Variants in MAP2K6 observed in about 807,000 individuals in gnomAD.
The protein encoded by MAP2K6 is mitogen-activated protein kinase kinase 6.
A neutral mutation model predicts 53.7 loss-of-function variants in MAP2K6; 16 were observed. The observed-to-expected ratio is 0.30, with a 90% CI of 0.20 to 0.45. MAP2K6 has a LOEUF of 0.45. Ranked by LOEUF, MAP2K6 falls within the 20% of genes least tolerant of loss-of-function variation. The pLI, the probability that MAP2K6 is intolerant of heterozygous loss-of-function variation, is 1.00. For missense variants in MAP2K6, 204 were observed against 411.9 expected (o/e 0.50, Z 4.37); for synonymous variants, 132 against 143.1 (o/e 0.92, Z 0.55).
At chr17:69,429,439 C>A (rs1906384833) in intron 1 of MAP2K6, among the ~76,000 whole-genome samples, 2 of 151,588 alleles carry the variant, frequency 1.3e-5, no homozygotes, top group Admixed American at 1.3e-4. Flanking sequence ...TAAGACCTTG[C>A]CTCTAAAAGG....
intron 1 of MAP2K6, among the ~76,000 whole-genome samples, chr17:69,422,229 T>A (rs76769799): frequency 0.026 from 3,923 of 150,974 alleles, 125 homozygotes; most frequent in East Asian, 0.12. Flanking sequence ...ATTCCCAGTT[T>A]CAAGCAATTC....
rs530073933 is a variant in MAP2K6, at chr17:69,481,424, C to A, written c.17-24356C>A. ...TATCTGTCAGTGGACACTTGGGTTG[C>A]TTCCACCTTTTGGCAATTGTGAATA... On this transcript the variant is annotated intron_variant, in intron 1 of 11. Coordinates refer to ENST00000590474, the MANE Select transcript of MAP2K6 (RefSeq NM_002758.4). Among the ~76,000 whole-genome samples, 133 of 152,288 alleles carry A rather than the reference C, an allele frequency of 8.7e-4. 2 individuals carry two copies. The South Asian group carries it at 0.026, about 30-fold the overall frequency.
At chr17:69,537,329 G>A (rs144382629) in intron 11 of MAP2K6, among the ~76,000 whole-genome samples, 8 of 152,290 alleles carry the variant, frequency 5.3e-5, no homozygotes, top group African/African-American at 1.7e-4. Context: ...CATTTTAGCA[G>A]GGGAAGGAAG....
chr17:69,463,294 A>G (rs919313933), intron 1 of MAP2K6, among the ~76,000 whole-genome samples: 3 of 150,388 alleles, frequency 2.0e-5, no homozygotes, highest in Non-Finnish European at 4.4e-5. Flanking sequence ...ATGTGTGTGT[A>G]TATACTTATA....
intron 1 of MAP2K6, chr17:69,502,704 T>TG: frequency 1.0e-6 from 1 of 985,270 alleles, no homozygotes; most frequent in Non-Finnish European, 1.2e-6. Flanking sequence ...GATGTTGATG[T>TG]GGGGGGCTGT....
chr17:69,480,080 A>AT (rs972807889), intron 1 of MAP2K6, among the ~76,000 whole-genome samples: 42 of 152,076 alleles, frequency 2.8e-4, no homozygotes, highest in East Asian at 1.2e-3. Flanking sequence ...CCCAGGTTGA[A>AT]TTTTTTTTAT....
intron 1 of MAP2K6, among the ~76,000 whole-genome samples, chr17:69,474,927 A>C (rs879715425): frequency 3.3e-5 from 5 of 152,164 alleles, no homozygotes; most frequent in Admixed American, 3.3e-4. Flanking sequence ...TAATTCACTG[A>C]GGATTCAGTG....
intron 1 of MAP2K6, among the ~76,000 whole-genome samples, chr17:69,500,475 G>T (rs1200514979): frequency 1.1e-5 from 1 of 88,266 alleles, no homozygotes; most frequent in South Asian, 3.7e-4. Context: ...AAAAAAAAAA[G>T]GCCGGCCATG....
chr17:69,441,489 T>C (rs1906817767), intron 1 of MAP2K6, among the ~76,000 whole-genome samples: 1 of 152,230 alleles, frequency 6.6e-6, no homozygotes. Flanking sequence ...TTCTTCTTTG[T>C]ATATGCGATT....
intron 1 of MAP2K6, among the ~76,000 whole-genome samples, chr17:69,442,791 GACTTA>G (rs1022657326): frequency 6.6e-6 from 1 of 152,150 alleles, no homozygotes; most frequent in Non-Finnish European, 1.5e-5. Context: ...TTGAATACTT[GACTTA>G]ACTTCAGTAA....
chr17:69,468,752 C>G (rs919531021), intron 1 of MAP2K6, among the ~76,000 whole-genome samples: 1 of 152,154 alleles, frequency 6.6e-6, no homozygotes, highest in African/African-American at 2.4e-5. Context: ...TTCATCATCC[C>G]TCTTTTCTGC....
chr17:69,490,420 T>C (rs1908695710), intron 1 of MAP2K6, among the ~76,000 whole-genome samples: 1 of 152,194 alleles, frequency 6.6e-6, no homozygotes, highest in African/African-American at 2.4e-5. Context: ...CCACTAGCAA[T>C]GCAGGATCAC....
rs1004036401 is a variant in MAP2K6 at position 69,542,719 on chromosome 17, C to T, written c.*966C>T. The stretch of plus-strand genomic sequence containing the variant: ...GTTTTGAGGGGGACATGTGTTAAAT[C>T]ACAGAAAAAAATGGTGCCTTCTTCT... On this transcript the variant is annotated 3_prime_UTR_variant, in exon 12 of 12. Transcript: ENST00000590474. 2.0e-5 allele frequency: 3 copies of T among 152,074 alleles called. No homozygotes were observed. Among genetic ancestry groups the T allele is most frequent in the African/African-American group, 7.2e-5 (3 of 41,402 alleles). 9.4% of individuals were successfully genotyped at this position (152,074 alleles called of 1,614,324 possible). A position where few individuals can be genotyped will look rare whatever the true frequency, so the allele number is the denominator to read the frequency against.
rs938372839 is a variant in MAP2K6, at chr17:69,553,770, C to G, written c.*12017C>G. The G allele has an allele frequency of 6.6e-6, 1 of 152,146 alleles. No individual in the cohort carries two copies. The allele number at this position is 152,146 out of a possible 1,614,324, so 9.4% of individuals were successfully genotyped here. A position where few individuals can be genotyped will look rare whatever the true frequency, so the allele number is the denominator to read the frequency against. ...TGGCTTTCATAGCTGGGACAAGTAA[C>G]ATTAAGTATTCAGGAGCAAAGTGTT... On this transcript the variant is annotated 3_prime_UTR_variant, in exon 12 of 12. Transcript: ENST00000590474.
At chr17:69,436,701 G>A (rs1377980101) in intron 1 of MAP2K6, among the ~76,000 whole-genome samples, 2 of 152,010 alleles carry the variant, frequency 1.3e-5, no homozygotes, top group Admixed American at 1.3e-4. Flanking sequence ...ATCCTCATGT[G>A]TCCTCTATAT....
chr17:69,525,384 C>T (rs548408441), intron 9 of MAP2K6, among the ~76,000 whole-genome samples: 3 of 152,244 alleles, frequency 2.0e-5, no homozygotes, highest in South Asian at 4.1e-4. Flanking sequence ...GCCGTGTTAT[C>T]CAGGACATAG....
At chr17:69,503,221 G>C (rs1333890498) in intron 1 of MAP2K6, among the ~76,000 whole-genome samples, 6 of 152,214 alleles carry the variant, frequency 3.9e-5, no homozygotes, top group Non-Finnish European at 8.8e-5. Flanking sequence ...ATCTAAACAA[G>C]TTGAATCCGT....
rs1912168448 is a variant in MAP2K6 at position 69,553,232 on chromosome 17, G to A, written c.*11479G>A. The A allele has an allele frequency of 6.6e-6, 1 of 152,210 alleles. No individual in the cohort carries two copies. Among genetic ancestry groups the A allele is most frequent in the East Asian group, 1.9e-4 (1 of 5,164 alleles). 9.4% of individuals were successfully genotyped at this position (152,210 alleles called of 1,614,324 possible). ...AAGTATGTAGGTCATTCTGTGGTGG[G>A]ATTTCCCATCACATCTAGTAAAAAA... is the stretch of plus-strand genomic sequence containing the variant. On this transcript the variant is annotated 3_prime_UTR_variant, in exon 12 of 12. Coordinates refer to ENST00000590474, the MANE Select transcript of MAP2K6 (RefSeq NM_002758.4).
At chr17:69,446,134 G>A (rs1283320004) in intron 1 of MAP2K6, among the ~76,000 whole-genome samples, 4 of 152,156 alleles carry the variant, frequency 2.6e-5, no homozygotes, top group East Asian at 1.9e-4. Context: ...CTACCTTAGC[G>A]TTATATTTAC....
Sources: gnomAD v4.1 joint callset for allele counts (sites outside exome capture counted in the v4.1 genomes callset) on GRCh38, gnomAD v4.1.1 for gene constraint, MANE v1.5 for transcripts, NCBI Gene and HGNC (gene_info 2026-07-23, HGNC 2026-07-21) for gene names.